TRANK1: variants seen among roughly 807,000 people sequenced by gnomAD.
TRANK1 encodes the protein TPR and ankyrin repeat-containing protein 1.
In TRANK1, 198 loss-of-function variants were observed where a neutral mutation model predicts 266.0. That is an observed-to-expected ratio of 0.74 (90% CI 0.66 to 0.84). The LOEUF is 0.84. Ranked by LOEUF, TRANK1 falls within the 40% of genes least tolerant of loss-of-function variation. TRANK1 has a pLI of 0.00. For synonymous variants in TRANK1, 1,396 were observed against 1,384.1 expected, an observed-to-expected ratio of 1.01 and a Z score of -0.19; for missense variants, 3,326 against 3,634.6, an observed-to-expected ratio of 0.92 and a Z score of 2.18.
At chr3:36,893,053 T>C in intron 5 of TRANK1, 69 bp from the exon 6 acceptor site, 1 of 819,294 alleles carries the variant, frequency 1.2e-6, no homozygotes, top group Non-Finnish European at 1.7e-6. Flanking sequence ...GCAAAAAAGT[T>C]ATTTTAAGCT....
intron 2 of TRANK1, among the ~76,000 whole-genome samples, chr3:36,907,097 T>C (rs975941350): frequency 1.2e-4 from 19 of 152,218 alleles, no homozygotes; most frequent in African/African-American, 4.3e-4. Flanking sequence ...GTACAAGTTT[T>C]TGTTTTGGAA....
chr3:36,944,057 C>T (rs1252976738), intron 1 of TRANK1, among the ~76,000 whole-genome samples: 1 of 152,110 alleles, frequency 6.6e-6, no homozygotes, highest in Non-Finnish European at 1.5e-5. Flanking sequence ...CCCCGCGGGA[C>T]GGAGACAGGG....
intron 11 of TRANK1, among the ~76,000 whole-genome samples, chr3:36,860,372 C>T (rs547576467): frequency 6.6e-6 from 1 of 152,290 alleles, no homozygotes; most frequent in African/African-American, 2.4e-5. Context: ...GCCAATTCAG[C>T]AAGATGTCTG....
At chr3:36,828,538 A>C (rs148518453) in intron 23 of TRANK1, among the ~76,000 whole-genome samples, 163 bp from the exon 24 acceptor site, 17 of 152,266 alleles carry the variant, frequency 1.1e-4, no homozygotes, top group African/African-American at 4.1e-4. Context: ...AAAATATAGC[A>C]TCCTAGTAAA....
chr3:36,904,259 A>G (rs2079927965), intron 2 of TRANK1, among the ~76,000 whole-genome samples: 1 of 150,768 alleles, frequency 6.6e-6, no homozygotes, highest in Admixed American at 6.6e-5. Context: ...GGCCAGGCGC[A>G]GTGGCTCATG....
chr3:36,852,471 GC>G, intron 13 of TRANK1, 126 bp from the exon 14 acceptor site: 1 of 871,140 alleles, frequency 1.1e-6, no homozygotes, highest in Admixed American at 3.2e-5. Flanking sequence ...ATAATTGCAA[GC>G]CCGTTTTCAG....
chr3:36,905,250 C>T (rs543539062), intron 2 of TRANK1, among the ~76,000 whole-genome samples: 2 of 148,840 alleles, frequency 1.3e-5, no homozygotes, highest in South Asian at 2.1e-4. Flanking sequence ...GAGATCGTGC[C>T]GTTGCACTCT....
chr3:36,892,864 T>C, intron 6 of TRANK1, 37 bp downstream of exon 6: 6 of 630,716 alleles, frequency 9.5e-6, no homozygotes, highest in Non-Finnish European at 1.3e-5. Context: ...TATATATATA[T>C]ATATATAGAT....
intron 1 of TRANK1, among the ~76,000 whole-genome samples, chr3:36,914,765 G>A (rs2080102436): frequency 1.3e-5 from 2 of 151,436 alleles, no homozygotes; most frequent in Non-Finnish European, 2.9e-5. Context: ...AGCTTCCCTA[G>A]TAGCTGCTAT....
chr3:36,899,416 A>G (rs1323228384), intron 3 of TRANK1, among the ~76,000 whole-genome samples, 157 bp from the exon 4 acceptor site: 6 of 152,202 alleles, frequency 3.9e-5, no homozygotes, highest in Non-Finnish European at 7.3e-5. Flanking sequence ...ACATTCCGAG[A>G]GATCAAGGCA....
At chr3:36,872,590 A>G (rs2079325223) in intron 9 of TRANK1, among the ~76,000 whole-genome samples, 1 of 152,216 alleles carries the variant, frequency 6.6e-6, no homozygotes, top group South Asian at 2.1e-4. Context: ...AATTAAAACT[A>G]TAATTTTCCA....
At position 36,857,224 on chromosome 3, in the gene TRANK1, G is replaced by C; in HGVS notation, c.2498C>G (p.Thr833Ser). 12 of 1,613,788 alleles carry C rather than the reference G, an allele frequency of 7.4e-6. No homozygotes were observed. The highest frequency in any genetic ancestry group is 1.0e-5 in the Non-Finnish European group (12 of 1,179,802). ...TTCTGAAGTGCACTCGATCTCCCAGGTCATGTTATCGAAGTCCTGGAGGCA... is the reference window on the plus strand; with the variant it reads ...TTCTGAAGTGCACTCGATCTCCCAGCTCATGTTATCGAAGTCCTGGAGGCA... ...EACLQDFDNM[T>S]WEIECTSEML... The change falls in exon 13 of 24, where the codon ACC becomes AGC. Residue 833 changes from threonine to serine, a missense_variant. Transcript: ENST00000645898. The surrounding 1 kb of genome is among the most constrained non-coding windows in gnomAD (Gnocchi z 4.3).
intron 1 of TRANK1, among the ~76,000 whole-genome samples, chr3:36,922,936 A>G (rs2080236176): frequency 6.6e-6 from 1 of 152,204 alleles, no homozygotes; most frequent in Admixed American, 6.5e-5. Flanking sequence ...AGGGAAAGCA[A>G]CAACAGACAT....
chr3:36,834,569 A>C, intron 21 of TRANK1, 193 bp downstream of exon 21: 1 of 571,702 alleles, frequency 1.7e-6, no homozygotes, highest in Non-Finnish European at 3.0e-6. Context: ...ATCAAAGCTT[A>C]TAAAGAGACT....
chr3:36,852,184 T>C lies in TRANK1; in HGVS notation c.4711A>G (p.Lys1571Glu), dbSNP rs1166322348. ...SDLAILLRGN[K>E]RKTQPIEFGA... ...AATTCAATGGGCTGAGTTTTCCTTT[T>C]ATTCCCTCGTAGCAAAATTGCCAAG... is the stretch of plus-strand genomic sequence containing the variant. Residue 1571 changes from lysine (K) to glutamate (E), a missense_variant, in exon 14 of 24, where the codon AAA becomes GAA. Lys to Glu is a moderately conservative substitution (Grantham distance 56). Transcript: ENST00000645898. 7.5e-6 allele frequency: 12 copies of C among 1,605,488 alleles called. No homozygotes were observed. Among genetic ancestry groups the C allele is most frequent in the Non-Finnish European group, 1.0e-5 (12 of 1,178,012 alleles).
intron 2 of TRANK1, among the ~76,000 whole-genome samples, chr3:36,906,683 T>G (rs2079973212): frequency 6.6e-6 from 1 of 151,914 alleles, no homozygotes; most frequent in Non-Finnish European, 1.5e-5. Flanking sequence ...GCTTTGAAGA[T>G]AAAGGAAGGA....
At position 36,879,550 on chromosome 3, in the gene TRANK1, C is replaced by CTATATAAA. The variant is rs1305887230; in HGVS notation, c.908-5262_908-5255dup. On this transcript the variant is annotated intron_variant, in intron 8 of 23. Coordinates refer to ENST00000645898, the MANE Select transcript of TRANK1 (RefSeq NM_001329998.2). ...AGACCCAGATTTTGTATAAATATAT[C>CTATATAAA]TATATAAATATATAAATATATAAAT... Among the ~76,000 whole-genome samples, 4 of 70,024 alleles carry CTATATAAA rather than the reference C, an allele frequency of 5.7e-5. 1 individual carries two copies. Among genetic ancestry groups the CTATATAAA allele is most frequent in the East Asian group, 6.5e-4 (2 of 3,056 alleles). The allele number at this position is 70,024 out of a possible 152,430, so 45.9% of individuals were successfully genotyped here.
chr3:36,927,538 T>C (rs2080304810), intron 1 of TRANK1, among the ~76,000 whole-genome samples: 1 of 152,106 alleles, frequency 6.6e-6, no homozygotes, highest in Non-Finnish European at 1.5e-5. Flanking sequence ...CTAAGAACCA[T>C]CCTATAAAAT....
At position 36,940,499 on chromosome 3, in the gene TRANK1, CA is replaced by C. The variant is rs144323903; in HGVS notation, c.23+4287del. 1.3e-3 allele frequency among the ~76,000 whole-genome samples: 177 copies of C among 141,196 alleles called. 1 individual carries two copies. The highest frequency in any genetic ancestry group is 1.1e-3 in the Admixed American group (16 of 14,232). The allele number at this position is 141,196 out of a possible 152,430, so 92.6% of individuals were successfully genotyped here. On this transcript the variant is annotated intron_variant, in intron 1 of 23. Transcript: ENST00000645898. ...TGGGCGACAGAGCGAGAATCTGTTT[CA>C]AAAAAAAAAAAAAGAAGCTGCTCCT... is the stretch of plus-strand genomic sequence containing the variant.
Sources: gnomAD v4.1 joint callset for allele counts (sites outside exome capture counted in the v4.1 genomes callset) on GRCh38, gnomAD v4.1.1 for gene constraint, Gnocchi (gnomAD v3.1) non-coding constraint, MANE v1.5 for transcripts, NCBI Gene and HGNC (gene_info 2026-07-23, HGNC 2026-07-21) for gene names.